The following CNTNAP2 variants were observed in gnomAD, a reference collection of about 807,000 sequenced individuals.
CNTNAP2 encodes the protein contactin-associated protein-like 2.
A neutral mutation model predicts 155.2 loss-of-function variants in CNTNAP2; 98 were observed. The ratio of observed to expected loss-of-function variants is 0.63; its 90% CI spans 0.54 to 0.75. CNTNAP2 has a LOEUF of 0.75. Ranked by LOEUF, CNTNAP2 falls within the 30% of genes least tolerant of loss-of-function variation. The pLI is 0.00. For synonymous variants in CNTNAP2, 651 were observed against 631.2 expected, an observed-to-expected ratio of 1.03 and a Z score of -0.47; for missense variants, 1,727 against 1,688.1, an observed-to-expected ratio of 1.02 and a Z score of -0.40.
chr7:147,069,930 G>A (rs57260717), intron 4 of CNTNAP2, among the ~76,000 whole-genome samples: 1 of 152,128 alleles, frequency 6.6e-6, no homozygotes, highest in African/African-American at 2.4e-5. Flanking sequence ...AATCATATTG[G>A]GATAGTGGCT....
chr7:148,300,676 T>G (rs1189858895), intron 21 of CNTNAP2, among the ~76,000 whole-genome samples: 1 of 151,820 alleles, frequency 6.6e-6, no homozygotes, highest in Non-Finnish European at 1.5e-5. Flanking sequence ...AAGAACCAAG[T>G]GTCCATAGAT....
intron 15 of CNTNAP2, among the ~76,000 whole-genome samples, chr7:148,020,213 T>A (rs1265128383): frequency 6.6e-6 from 1 of 152,246 alleles, no homozygotes; most frequent in Non-Finnish European, 1.5e-5. Flanking sequence ...ATTACACACC[T>A]TTTGGAGGCA....
At chr7:148,256,895 A>C (rs1796464878) in intron 20 of CNTNAP2, among the ~76,000 whole-genome samples, 1 of 151,498 alleles carries the variant, frequency 6.6e-6, no homozygotes, top group Admixed American at 6.5e-5. Flanking sequence ...TACATTAGTT[A>C]ATTAATTAAT....
chr7:147,709,886 AT>A lies in CNTNAP2; in HGVS notation c.2098+70587del, dbSNP rs992625346. Reference sequence around the variant, plus strand: ...TGTACAATCAAAATTTTAGTTGCTTATTTTTTTCTTTTGCTCCTTTATGTCC... The same window carrying A: ...TGTACAATCAAAATTTTAGTTGCTTATTTTTTCTTTTGCTCCTTTATGTCC... On this transcript the variant is annotated intron_variant, in intron 13 of 23. Transcript: ENST00000361727. Among the ~76,000 whole-genome samples, 10 of 152,088 alleles carry A rather than the reference AT, an allele frequency of 6.6e-5. No homozygotes were observed. In the East Asian group the frequency reaches 1.2e-3, roughly 18 times the overall value.
At chr7:147,484,482 A>G (rs1798477415) in intron 10 of CNTNAP2, among the ~76,000 whole-genome samples, 1 of 152,218 alleles carries the variant, frequency 6.6e-6, no homozygotes, top group African/African-American at 2.4e-5. Context: ...TACATACTGT[A>G]TCTACTTCTA....
At chr7:147,865,615 G>T (rs1353241851) in intron 13 of CNTNAP2, among the ~76,000 whole-genome samples, 1 of 152,028 alleles carries the variant, frequency 6.6e-6, no homozygotes, top group Non-Finnish European at 1.5e-5. Context: ...GCCTGTTATT[G>T]GTCTATTGAG....
chr7:146,395,431 CA>C (rs1795605811), intron 1 of CNTNAP2, among the ~76,000 whole-genome samples: 1 of 149,254 alleles, frequency 6.7e-6, no homozygotes, highest in African/African-American at 2.5e-5. Context: ...ATTACATGCT[CA>C]ACACATAATA....
chr7:146,492,259 C>CAG (rs950249977), intron 1 of CNTNAP2, among the ~76,000 whole-genome samples: 1 of 146,082 alleles, frequency 6.8e-6, no homozygotes, highest in Non-Finnish European at 1.5e-5. Context: ...GAGAGAGAGA[C>CAG]AGAGAGAGAG....
chr7:147,537,338 G>C (rs1799560613), intron 11 of CNTNAP2, among the ~76,000 whole-genome samples: 1 of 152,026 alleles, frequency 6.6e-6, no homozygotes, highest in Non-Finnish European at 1.5e-5. Context: ...CTGTATGCTT[G>C]GAACTCTTAT....
intron 8 of CNTNAP2, among the ~76,000 whole-genome samples, chr7:147,246,188 T>G (rs1804063445): frequency 6.7e-6 from 1 of 149,830 alleles, no homozygotes; most frequent in South Asian, 2.1e-4. Context: ...TATCCAAAAT[T>G]TGCAGGTGGG....
At chr7:146,830,332 A>G (rs1272010508) in intron 2 of CNTNAP2, among the ~76,000 whole-genome samples, 1 of 152,088 alleles carries the variant, frequency 6.6e-6, no homozygotes, top group East Asian at 1.9e-4. Context: ...GTGATTTTTG[A>G]AAAAGGAAAC....
intron 4 of CNTNAP2, among the ~76,000 whole-genome samples, chr7:147,062,932 A>G (rs544476285): frequency 3.9e-5 from 6 of 152,254 alleles, no homozygotes; most frequent in Non-Finnish European, 4.4e-5. Flanking sequence ...AAATCAAAAT[A>G]TAATTGATAC....
chr7:147,944,485 T>C (rs1389844088), intron 14 of CNTNAP2, among the ~76,000 whole-genome samples: 10 of 152,216 alleles, frequency 6.6e-5, no homozygotes, highest in Non-Finnish European at 1.0e-4. Context: ...GCCTGTATTG[T>C]GGGCAAGATT....
chr7:146,307,183 T>C (rs1159323816), intron 1 of CNTNAP2, among the ~76,000 whole-genome samples: 1 of 151,914 alleles, frequency 6.6e-6, no homozygotes, highest in Non-Finnish European at 1.5e-5. Context: ...TACACACCAA[T>C]AACAGACAAA....
At chr7:146,861,202 A>G (rs958202527) in intron 3 of CNTNAP2, among the ~76,000 whole-genome samples, 2 of 151,978 alleles carry the variant, frequency 1.3e-5, no homozygotes, top group African/African-American at 4.8e-5. Context: ...CTGAGATTAC[A>G]GGCTCATGCC....
chr7:146,639,340 C>G lies in CNTNAP2; in HGVS notation c.98-134931C>G, dbSNP rs557298462. ...TCGTTCTCTACTATAAAGAAAACAC[C>G]TGATAACCAATAACTTTCAAGGAAC... On this transcript the variant is annotated intron_variant, in intron 1 of 23. Coordinates refer to ENST00000361727, the MANE Select transcript of CNTNAP2 (RefSeq NM_014141.6). Among the ~76,000 whole-genome samples, 4 of 152,250 alleles carry G rather than the reference C, an allele frequency of 2.6e-5. No homozygotes were observed. The East Asian group carries it at 7.7e-4, about 29-fold the overall frequency.
At chr7:146,931,475 A>G (rs10261255) in intron 3 of CNTNAP2, among the ~76,000 whole-genome samples, 48,463 of 141,730 alleles carry the variant, frequency 0.34, 9,627 homozygotes, top group Middle Eastern at 0.41. Flanking sequence ...ATGCCCACAA[A>G]AGAAAGCAGA....
At chr7:147,152,778 A>G (rs990086014) in intron 8 of CNTNAP2, among the ~76,000 whole-genome samples, 7 of 152,174 alleles carry the variant, frequency 4.6e-5, no homozygotes, top group Non-Finnish European at 7.4e-5. Context: ...AAAGTCATAA[A>G]AAATTAGAAT....
chr7:146,631,887 C>T (rs969450152), intron 1 of CNTNAP2, among the ~76,000 whole-genome samples: 12 of 152,124 alleles, frequency 7.9e-5, no homozygotes, highest in African/African-American at 2.9e-4. Flanking sequence ...TGTTCAAAAT[C>T]TTACTAATGT....
Sources: gnomAD v4.1 joint callset for allele counts (sites outside exome capture counted in the v4.1 genomes callset) on GRCh38, gnomAD v4.1.1 for gene constraint, MANE v1.5 for transcripts, NCBI Gene and HGNC (gene_info 2026-07-23, HGNC 2026-07-21) for gene names.